SDK1: variants seen among roughly 807,000 people sequenced by gnomAD.
SDK1 encodes the protein sidekick cell adhesion molecule 1.
A neutral mutation model predicts 245.5 loss-of-function variants in SDK1; 157 were observed. The observed-to-expected ratio is 0.64, with a 90% CI of 0.56 to 0.73. The LOEUF is 0.73. SDK1 is among the 30% of genes least tolerant of loss of function. The pLI, the probability that SDK1 is intolerant of heterozygous loss-of-function variation, is 0.00. For synonymous variants in SDK1, 1,647 were observed against 1,278.5 expected (o/e 1.29, Z -6.15); for missense variants, 3,583 against 3,002.3 (o/e 1.19, Z -4.52).
intron 5 of SDK1, among the ~76,000 whole-genome samples, chr7:3,884,424 G>A (rs1344843376): frequency 6.6e-6 from 1 of 152,190 alleles, no homozygotes; most frequent in East Asian, 1.9e-4. Context: ...GTTGGTTTGT[G>A]AGTATCACTG....
At position 3,687,597 on chromosome 7, in the gene SDK1, G is replaced by A. The variant is rs143684999; in HGVS notation, c.713+45492G>A. Among the ~76,000 whole-genome samples the A allele has an allele frequency of 3.8e-3, 573 of 152,228 alleles. 1 individual carries two copies. Among genetic ancestry groups the A allele is most frequent in the African/African-American group, 0.013 (538 of 41,534 alleles). On this transcript the variant is annotated intron_variant, in intron 4 of 44. Coordinates refer to ENST00000404826, the MANE Select transcript of SDK1 (RefSeq NM_152744.4). ...CTTGGATGCATCTCCAAGAAATGGC[G>A]GTGATGAAAAAAATTCAGTCCCAAG...
Position 3,346,827 on chromosome 7 carries a change from A to ATTTTTTTTTTT in SDK1, c.298+44957_298+44967dup, listed in dbSNP as rs1163275778. ...TGTGTGTATATATATATATATATAT[A>ATTTTTTTTTTT]TTTTTTTTTTTTTTTTTTTTTTTTG... On this transcript the variant is annotated intron_variant, in intron 1 of 44. Transcript: ENST00000404826. Among the ~76,000 whole-genome samples, 34 of 16,382 alleles carry ATTTTTTTTTTT rather than the reference A, an allele frequency of 2.1e-3. 2 individuals carry two copies. Among genetic ancestry groups the ATTTTTTTTTTT allele is most frequent in the South Asian group, 3.4e-3 (1 of 292 alleles). The allele number at this position is 16,382 out of a possible 152,430, so 10.7% of individuals were successfully genotyped here.
chr7:3,550,181 A>G (rs943254367), intron 1 of SDK1, among the ~76,000 whole-genome samples: 4 of 152,156 alleles, frequency 2.6e-5, no homozygotes, highest in Non-Finnish European at 5.9e-5. Context: ...ACATATGTAT[A>G]TCTTATACAT....
intron 5 of SDK1, among the ~76,000 whole-genome samples, chr7:3,883,332 A>G (rs939305665): frequency 1.1e-4 from 16 of 152,200 alleles, no homozygotes; most frequent in African/African-American, 3.6e-4. Flanking sequence ...ATTTATAAAG[A>G]CAAGATTGAT....
chr7:3,861,931 T>G (rs1780703271), intron 5 of SDK1, among the ~76,000 whole-genome samples: 1 of 152,176 alleles, frequency 6.6e-6, no homozygotes, highest in Admixed American at 6.5e-5. Context: ...ACTCCGGAGC[T>G]CCTACACAAA....
At chr7:3,623,672 C>A (rs185418531) in intron 2 of SDK1, among the ~76,000 whole-genome samples, 107 of 152,184 alleles carry the variant, frequency 7.0e-4, no homozygotes, top group Non-Finnish European at 1.4e-3. Flanking sequence ...TGTATTCTTT[C>A]CAGAAAGCAT....
rs922807336 is a variant in SDK1, at chr7:4,026,027, G to A, written c.2602+8675G>A. 2.6e-5 allele frequency among the ~76,000 whole-genome samples: 4 copies of A among 152,220 alleles called. No homozygotes were observed. Among genetic ancestry groups the A allele is most frequent in the African/African-American group, 9.6e-5 (4 of 41,454 alleles). On this transcript the variant is annotated intron_variant, in intron 17 of 44. Transcript: ENST00000404826. The surrounding 1 kb of genome is among the most constrained non-coding windows in gnomAD (Gnocchi z 4.1). ...GACTGCAGCCCAGAAGGCGCATGGG[G>A]AAATTAGGTCCACGAACGCGTCCCC...
chr7:3,665,803 A>T (rs1783512388), intron 4 of SDK1, among the ~76,000 whole-genome samples: 1 of 152,120 alleles, frequency 6.6e-6, no homozygotes, highest in Non-Finnish European at 1.5e-5. Context: ...GATAAAGTTG[A>T]TTCATGCTTG....
chr7:3,307,346 A>G (rs1307707512), intron 1 of SDK1, among the ~76,000 whole-genome samples: 1 of 152,150 alleles, frequency 6.6e-6, no homozygotes, highest in Non-Finnish European at 1.5e-5. Flanking sequence ...GGTAGCAAGT[A>G]GAAAGAAGCT....
At chr7:4,157,472 AGGAGG>A (rs1780829089) in intron 30 of SDK1, among the ~76,000 whole-genome samples, 1 of 77,706 alleles carries the variant, frequency 1.3e-5, no homozygotes, top group Admixed American at 1.6e-4. Context: ...GAGAGAAGGA[AGGAGG>A]GAAGGAAGGG....
intron 28 of SDK1, among the ~76,000 whole-genome samples, chr7:4,145,101 C>T (rs368107464): frequency 6.6e-6 from 1 of 152,196 alleles, no homozygotes; most frequent in African/African-American, 2.4e-5. Flanking sequence ...CAGGAGCCCT[C>T]CCTCAACTGG....
At chr7:3,579,678 G>T (rs764317906) in intron 1 of SDK1, among the ~76,000 whole-genome samples, 4 of 151,710 alleles carry the variant, frequency 2.6e-5, no homozygotes, top group East Asian at 1.9e-4. Flanking sequence ...GGCCAGTCCT[G>T]GTTGTGGAAA....
intron 1 of SDK1, among the ~76,000 whole-genome samples, chr7:3,512,515 C>T (rs1114781): frequency 2.0e-5 from 3 of 151,878 alleles, no homozygotes; most frequent in Admixed American, 6.6e-5. Flanking sequence ...GGGTATGTTT[C>T]GTTTTGTAAG....
chr7:3,736,017 C>T (rs1779309375), intron 4 of SDK1, among the ~76,000 whole-genome samples: 1 of 152,028 alleles, frequency 6.6e-6, no homozygotes, highest in South Asian at 2.1e-4. Context: ...AGTCCTTTGC[C>T]TGTTTTTTAA....
At chr7:3,613,225 G>A (rs984306971) in intron 1 of SDK1, among the ~76,000 whole-genome samples, 9 of 152,146 alleles carry the variant, frequency 5.9e-5, no homozygotes, top group East Asian at 1.9e-4. Context: ...GCCGGGGGAC[G>A]CAGGATGAGG....
At chr7:4,157,452 AGGTGG>A (rs1423677116) in intron 30 of SDK1, among the ~76,000 whole-genome samples, 7 of 50,626 alleles carry the variant, frequency 1.4e-4, no homozygotes, top group African/African-American at 5.1e-4. Flanking sequence ...GAGGGAAGGG[AGGTGG>A]AAGGGAGAGA....
intron 1 of SDK1, among the ~76,000 whole-genome samples, chr7:3,604,267 C>T (rs1017328216): frequency 2.6e-5 from 4 of 152,152 alleles, no homozygotes; most frequent in Admixed American, 6.6e-5. Context: ...GGTACCAGCT[C>T]CTCTTTGTAC....
At chr7:3,400,203 AGG>A (rs1778850697) in intron 1 of SDK1, among the ~76,000 whole-genome samples, 1 of 152,046 alleles carries the variant, frequency 6.6e-6, no homozygotes, top group African/African-American at 2.4e-5. Context: ...CTTAGGAGAG[AGG>A]GATGGAGTAG....
intron 40 of SDK1, among the ~76,000 whole-genome samples, chr7:4,224,530 G>A (rs577042200): frequency 7.9e-5 from 12 of 152,266 alleles, no homozygotes; most frequent in African/African-American, 2.6e-4. Context: ...CTCCCACCAG[G>A]CCCCTCCCCC....
Sources: allele counts gnomAD v4.1 joint callset (sites outside exome capture counted in the v4.1 genomes callset), GRCh38; gene constraint gnomAD v4.1.1; non-coding constraint Gnocchi (gnomAD v3.1); transcripts MANE v1.5; gene names NCBI Gene and HGNC (gene_info 2026-07-23, HGNC 2026-07-21).